LOXHD1: variants seen among roughly 807,000 people sequenced by gnomAD.
The protein encoded by LOXHD1 is lipoxygenase homology PLAT domains 1, also known as lipoxygenase homology domain-containing protein 1.
In LOXHD1, 205 loss-of-function variants were observed where a neutral mutation model predicts 248.2. That is an observed-to-expected ratio of 0.83 (90% CI 0.74 to 0.93). The LOEUF is 0.93. LOXHD1 is among the 40% of genes least tolerant of loss of function. The pLI is 0.00. For synonymous variants in LOXHD1, 1,113 were observed against 1,162.8 expected (o/e 0.96, Z 0.87); for missense variants, 2,930 against 2,971.6 (o/e 0.99, Z 0.33).
intron 6 of LOXHD1, among the ~76,000 whole-genome samples, chr18:46,608,375 C>A (rs530542644): frequency 6.6e-6 from 1 of 152,306 alleles, no homozygotes; most frequent in East Asian, 1.9e-4. Context: ...GAACCTGCCT[C>A]CTTGGGGAAC....
At chr18:46,614,313 A>C (rs993561296) in intron 5 of LOXHD1, among the ~76,000 whole-genome samples, 6 of 152,148 alleles carry the variant, frequency 3.9e-5, no homozygotes, top group African/African-American at 7.2e-5. Flanking sequence ...AGACTTGGAA[A>C]CAACCCAAAT....
At chr18:46,589,245 G>T (rs185388891) in intron 12 of LOXHD1, among the ~76,000 whole-genome samples, 230 of 152,284 alleles carry the variant, frequency 1.5e-3, no homozygotes, top group African/African-American at 5.2e-3. Flanking sequence ...TACATCTGAA[G>T]CCTGTTAGCA....
intron 12 of LOXHD1, among the ~76,000 whole-genome samples, chr18:46,588,464 ACT>A (rs1272981512): frequency 6.6e-6 from 1 of 152,162 alleles, no homozygotes; most frequent in Non-Finnish European, 1.5e-5. Context: ...ACAATTGTAC[ACT>A]GTTAAAAATG....
chr18:46,483,262 G>A (rs550533412), intron 40 of LOXHD1, among the ~76,000 whole-genome samples: 1 of 152,252 alleles, frequency 6.6e-6, no homozygotes, highest in African/African-American at 2.4e-5. Flanking sequence ...ATTGAGGGAA[G>A]GGGAAGGCAA....
At chr18:46,597,541 TGC>T (rs5824631) in intron 8 of LOXHD1, among the ~76,000 whole-genome samples, 88,061 of 146,698 alleles carry the variant, frequency 0.6, 27,962 homozygotes, top group South Asian at 0.72. Context: ...TAGTGGTACA[TGC>T]GCACACACAC....
At chr18:46,493,968 C>T (rs2033665939) in intron 37 of LOXHD1, among the ~76,000 whole-genome samples, 3 of 152,194 alleles carry the variant, frequency 2.0e-5, no homozygotes. Flanking sequence ...ATTTAAGCAT[C>T]CCTTTGGCAT....
intron 34 of LOXHD1, among the ~76,000 whole-genome samples, chr18:46,517,104 T>C (rs552321836): frequency 1.1e-4 from 17 of 152,292 alleles, no homozygotes; most frequent in African/African-American, 3.6e-4. Context: ...CAGAGGCAAG[T>C]TGCTGTGGGT....
intron 15 of LOXHD1, among the ~76,000 whole-genome samples, 160 bp downstream of exon 15, chr18:46,571,926 A>ACC (rs2037759292): frequency 6.6e-6 from 1 of 152,216 alleles, no homozygotes; most frequent in African/African-American, 2.4e-5. Flanking sequence ...GAGCACAGGC[A>ACC]GGAACTCTCC....
chr18:46,539,414 T>C (rs1317483226), intron 25 of LOXHD1, among the ~76,000 whole-genome samples: 1 of 151,994 alleles, frequency 6.6e-6, no homozygotes, highest in Non-Finnish European at 1.5e-5. Context: ...TAAGCTGAGA[T>C]CACGCCACTG....
chr18:46,600,692 A>G (rs1478107882), intron 8 of LOXHD1, among the ~76,000 whole-genome samples: 2 of 152,204 alleles, frequency 1.3e-5, no homozygotes, highest in South Asian at 2.1e-4. Flanking sequence ...GACAAAATTC[A>G]TAATAGTATG....
rs76250447 is a variant in LOXHD1, at chr18:46,499,164, T to C, written c.5878+6674A>G. ...CTGCCAATTATGACTGGCAAGACAA[T>C]TACAGTTCAGTGTTGTGAGTGCTAG... is the stretch of plus-strand genomic sequence containing the variant. On this transcript the variant is annotated intron_variant, in intron 37 of 40. Transcript: ENST00000642948. 0.016 allele frequency among the ~76,000 whole-genome samples: 2,438 copies of C among 152,304 alleles called. 152 individuals are homozygous for C. The East Asian group carries it at 0.2, about 13-fold the overall frequency.
At chr18:46,518,351 C>T in intron 33 of LOXHD1, 95 bp from the exon 34 acceptor site, 1 of 1,411,358 alleles carries the variant, frequency 7.1e-7, no homozygotes, top group Non-Finnish European at 9.6e-7. Flanking sequence ...ACACACTGTC[C>T]AAGTTCCACA....
intron 21 of LOXHD1, chr18:46,555,228 C>T (rs530061587): frequency 2.6e-5 from 12 of 469,032 alleles, no homozygotes; most frequent in Non-Finnish European, 5.3e-5. Flanking sequence ...CTTGGATTTT[C>T]AGAACATCTT....
At chr18:46,565,690 C>A (rs669459) in intron 17 of LOXHD1, among the ~76,000 whole-genome samples, 1 of 152,126 alleles carries the variant, frequency 6.6e-6, no homozygotes, top group African/African-American at 2.4e-5. Flanking sequence ...CTTTAAATAT[C>A]TCTAGGTTAC....
intron 5 of LOXHD1, among the ~76,000 whole-genome samples, chr18:46,614,718 TAATA>T (rs67053766): frequency 0.17 from 25,985 of 149,758 alleles, 2,643 homozygotes; most frequent in East Asian, 0.44. Flanking sequence ...TAAAGTATAA[TAATA>T]AATAAATAAA....
intron 12 of LOXHD1, among the ~76,000 whole-genome samples, chr18:46,581,410 G>T (rs1199993978): frequency 6.6e-6 from 1 of 152,150 alleles, no homozygotes; most frequent in Non-Finnish European, 1.5e-5. Context: ...GAGTAGGGGA[G>T]TCTTGGGGGA....
At chr18:46,551,887 C>G (rs1387683861) in intron 21 of LOXHD1, among the ~76,000 whole-genome samples, 1 of 152,170 alleles carries the variant, frequency 6.6e-6, no homozygotes, top group Non-Finnish European at 1.5e-5. Flanking sequence ...GGAAGGACAT[C>G]CTGTCATGTA....
intron 5 of LOXHD1, among the ~76,000 whole-genome samples, chr18:46,615,676 GCAGTAATCTATATACTCCCTTTA>G (rs2038576338): frequency 6.6e-6 from 1 of 152,082 alleles, no homozygotes; most frequent in Non-Finnish European, 1.5e-5. Flanking sequence ...CCAGTTGGAT[GCAGTAATCTATATACTCCCTTTA>G]GGTCAAGCTT....
At chr18:46,549,766 C>T (rs576246922) in intron 21 of LOXHD1, among the ~76,000 whole-genome samples, 1 of 152,220 alleles carries the variant, frequency 6.6e-6, no homozygotes, top group African/African-American at 2.4e-5. Context: ...AAACAATATT[C>T]AAGAATGGTA....
Sources: allele counts gnomAD v4.1 joint callset (sites outside exome capture counted in the v4.1 genomes callset), GRCh38; gene constraint gnomAD v4.1.1; transcripts MANE v1.5; gene names NCBI Gene and HGNC (gene_info 2026-07-23, HGNC 2026-07-21).